Variants in WWOX observed in about 807,000 individuals in gnomAD.
WWOX encodes WW domain-containing oxidoreductase.
Under a neutral mutation model 46.2 loss-of-function variants are expected in WWOX, and 69 were observed. The observed-to-expected ratio is 1.49, with a 90% CI of 1.23 to 1.82. WWOX has a LOEUF of 1.82. Ranked by LOEUF, WWOX falls within the 40% of genes most tolerant of loss-of-function variation. The pLI is 0.00. For missense variants in WWOX, 919 were observed against 542.6 expected, an observed-to-expected ratio of 1.69 and a Z score of -6.89; for synonymous variants, 359 against 202.6, an observed-to-expected ratio of 1.77 and a Z score of -6.56.
intron 8 of WWOX, among the ~76,000 whole-genome samples, chr16:78,469,287 A>G (rs1304862559): frequency 6.6e-6 from 1 of 152,078 alleles, no homozygotes; most frequent in African/African-American, 2.4e-5. Context: ...CTATGAAGAC[A>G]TTTCCCTTAT....
intron 8 of WWOX, among the ~76,000 whole-genome samples, chr16:78,678,865 C>T (rs949075180): frequency 2.6e-5 from 4 of 152,166 alleles, no homozygotes; most frequent in Non-Finnish European, 5.9e-5. Flanking sequence ...TCCCAGTTTA[C>T]TCTGGAGACG....
At chr16:78,310,317 G>A (rs2080215168) in intron 5 of WWOX, among the ~76,000 whole-genome samples, 1 of 152,094 alleles carries the variant, frequency 6.6e-6, no homozygotes, top group African/African-American at 2.4e-5. Flanking sequence ...ACACCTCCTG[G>A]CCAGTGTTTG....
intron 8 of WWOX, among the ~76,000 whole-genome samples, chr16:78,999,410 C>G (rs535299040): frequency 1.2e-3 from 183 of 152,234 alleles, no homozygotes; most frequent in African/African-American, 3.9e-3. Flanking sequence ...GCGGAAGTTG[C>G]GGTGAGCCGA....
chr16:79,006,231 T>A (rs1263469836), intron 8 of WWOX, among the ~76,000 whole-genome samples: 1 of 152,108 alleles, frequency 6.6e-6, no homozygotes, highest in Non-Finnish European at 1.5e-5. Flanking sequence ...TAAGGATAAG[T>A]GGCATTTGAT....
At chr16:78,752,851 A>G (rs1235372072) in intron 8 of WWOX, among the ~76,000 whole-genome samples, 1 of 152,214 alleles carries the variant, frequency 6.6e-6, no homozygotes, top group Non-Finnish European at 1.5e-5. Flanking sequence ...CAGGAATTCC[A>G]GGAGTCAGGC....
chr16:78,641,136 C>CA (rs1395971980), intron 8 of WWOX, among the ~76,000 whole-genome samples: 2 of 151,886 alleles, frequency 1.3e-5, no homozygotes, highest in Non-Finnish European at 2.9e-5. Context: ...GTGCCTCCTC[C>CA]AAAAAAATTC....
chr16:78,818,592 A>G (rs1481444236), intron 8 of WWOX, among the ~76,000 whole-genome samples: 1 of 152,184 alleles, frequency 6.6e-6, no homozygotes, highest in Admixed American at 6.5e-5. Flanking sequence ...TCGGCTGGGC[A>G]TGGTGGTACA....
intron 8 of WWOX, among the ~76,000 whole-genome samples, chr16:78,792,074 G>C (rs186320683): frequency 1.3e-5 from 2 of 152,112 alleles, no homozygotes; most frequent in African/African-American, 2.4e-5. Context: ...TCCCTGGTGC[G>C]GGGGAGCAGG....
chr16:78,644,635 G>A (rs1454533346), intron 8 of WWOX, among the ~76,000 whole-genome samples: 1 of 152,068 alleles, frequency 6.6e-6, no homozygotes, highest in East Asian at 1.9e-4. Flanking sequence ...CTAATTTTTT[G>A]TACTTTTAGT....
At chr16:78,869,170 C>G (rs559899108) in intron 8 of WWOX, among the ~76,000 whole-genome samples, 6 of 152,146 alleles carry the variant, frequency 3.9e-5, no homozygotes, top group Non-Finnish European at 4.4e-5. Context: ...TTTTAGTCAA[C>G]CATCAGCTGA....
At position 79,155,148 on chromosome 16, in the gene WWOX, C is replaced by CA. The variant is rs2050356219; in HGVS notation, c.1057-56459dup. ...ATCCCAGCACTTTGGGAGGCCGAGG[C>CA]AGGCAGATCATGAAGTCAAGAGATG... On this transcript the variant is annotated intron_variant, in intron 8 of 8. Coordinates refer to ENST00000566780, the MANE Select transcript of WWOX (RefSeq NM_016373.4). 3.3e-5 allele frequency among the ~76,000 whole-genome samples: 5 copies of CA among 152,322 alleles called. No individual in the cohort carries two copies. In the South Asian group the frequency reaches 1.0e-3, roughly 32 times the overall value.
rs760656650 is a variant in WWOX, at chr16:79,212,118, G to C, written c.*322G>C. ...CACCAGCAATTCTCTTTCTTTTACTGTTATAGAATAGCCTGAGGTCCCCTC... is the reference window on the plus strand; with the variant it reads ...CACCAGCAATTCTCTTTCTTTTACTCTTATAGAATAGCCTGAGGTCCCCTC... On this transcript the variant is annotated 3_prime_UTR_variant, in exon 9 of 9. Transcript: ENST00000566780. 1 of 1,534,156 alleles carries C rather than the reference G, an allele frequency of 6.5e-7. No individual in the cohort carries two copies. Among genetic ancestry groups the C allele is most frequent in the Non-Finnish European group, 8.7e-7 (1 of 1,145,844 alleles).
chr16:78,831,392 G>A (rs148048556), intron 8 of WWOX, among the ~76,000 whole-genome samples: 4 of 152,224 alleles, frequency 2.6e-5, no homozygotes, highest in Admixed American at 1.3e-4. Flanking sequence ...CAAAATATCT[G>A]TGTTCATGTA....
At chr16:78,769,363 C>G (rs942917652) in intron 8 of WWOX, among the ~76,000 whole-genome samples, 1 of 152,092 alleles carries the variant, frequency 6.6e-6, no homozygotes, top group Non-Finnish European at 1.5e-5. Context: ...GCTCCGCCCC[C>G]TCTCTTCCCC....
At chr16:78,887,468 A>AACACAC (rs78503110) in intron 8 of WWOX, among the ~76,000 whole-genome samples, 5 of 135,956 alleles carry the variant, frequency 3.7e-5, no homozygotes, top group African/African-American at 1.2e-4. Flanking sequence ...AAGTATATAA[A>AACACAC]ACACACACAC....
At chr16:78,159,483 C>T (rs954306852) in intron 4 of WWOX, among the ~76,000 whole-genome samples, 4 of 152,046 alleles carry the variant, frequency 2.6e-5, no homozygotes, top group African/African-American at 9.7e-5. Flanking sequence ...CACCCTGAAC[C>T]ACACTTGTTA....
rs980386803 is a variant in WWOX, at chr16:78,657,752, C to T, written c.1056+225000C>T. The stretch of plus-strand genomic sequence containing the variant: ...CGCAAATAACTGCTTGAGGCTCCCT[C>T]TCTTGGGCCAAGCTTGACTCTGGAT... On this transcript the variant is annotated intron_variant, in intron 8 of 8. Coordinates refer to ENST00000566780, the MANE Select transcript of WWOX (RefSeq NM_016373.4). 4.6e-5 allele frequency among the ~76,000 whole-genome samples: 7 copies of T among 152,292 alleles called. No homozygotes were observed. The East Asian group carries it at 5.8e-4, about 13-fold the overall frequency.
At chr16:78,799,361 G>C (rs577196813) in intron 8 of WWOX, among the ~76,000 whole-genome samples, 4 of 152,160 alleles carry the variant, frequency 2.6e-5, no homozygotes, top group Non-Finnish European at 5.9e-5. Flanking sequence ...GTGTCCATCT[G>C]GGTTAGCAAA....
intron 8 of WWOX, among the ~76,000 whole-genome samples, chr16:78,682,489 A>G (rs1280233108): frequency 2.0e-5 from 3 of 152,118 alleles, no homozygotes; most frequent in Non-Finnish European, 2.9e-5. Flanking sequence ...AGGCTGAGGC[A>G]GGAGGATACC....
Sources: gnomAD v4.1 joint callset for allele counts (sites outside exome capture counted in the v4.1 genomes callset) on GRCh38, gnomAD v4.1.1 for gene constraint, MANE v1.5 for transcripts, NCBI Gene and HGNC (gene_info 2026-07-23, HGNC 2026-07-21) for gene names.